CUX1: variants seen among roughly 807,000 people sequenced by gnomAD.
CUX1 encodes protein CASP.
In CUX1, 31 loss-of-function variants were observed where a neutral mutation model predicts 158.8. The ratio of observed to expected loss-of-function variants is 0.20; its 90% CI spans 0.15 to 0.26. The LOEUF (loss-of-function observed/expected upper bound fraction) is 0.26, where lower values mean the gene tolerates loss of function less well. CUX1 is among the 10% of genes least tolerant of loss of function. The probability of loss-of-function intolerance (pLI) is 1.00; values close to 1 mark genes in which losing one functional copy is unlikely to be tolerated. For synonymous variants in CUX1, 879 were observed against 862.1 expected, an observed-to-expected ratio of 1.02 and a Z score of -0.34; for missense variants, 1,589 against 2,014.6, an observed-to-expected ratio of 0.79 and a Z score of 4.04.
intron 1 of CUX1, among the ~76,000 whole-genome samples, chr7:101,873,178 C>CTTTTTTTTTTT: frequency 8.4e-6 from 1 of 119,702 alleles, no homozygotes; most frequent in Non-Finnish European, 1.7e-5. Flanking sequence ...GCCTCAGCTT[C>CTTTTTTTTTTT]TTTTTTTTTT....
chr7:102,210,271 A>G (rs1796388297), intron 20 of CUX1, among the ~76,000 whole-genome samples: 1 of 151,886 alleles, frequency 6.6e-6, no homozygotes, highest in African/African-American at 2.4e-5. Context: ...TAATTTTTGT[A>G]TTTTTAATAG....
chr7:102,032,035 C>T (rs1211051109), intron 3 of CUX1, among the ~76,000 whole-genome samples: 1 of 151,622 alleles, frequency 6.6e-6, no homozygotes, highest in Non-Finnish European at 1.5e-5. Context: ...AAGCGATTTG[C>T]CCACCTCAGC....
At chr7:102,115,516 G>C (rs1831351399) in intron 8 of CUX1, 1 of 407,430 alleles carries the variant, frequency 2.5e-6, no homozygotes, top group African/African-American at 2.1e-5. Flanking sequence ...ATGAAAATTT[G>C]GGAGTTAGTT....
chr7:101,951,899 A>G (rs1254902689), intron 2 of CUX1, among the ~76,000 whole-genome samples: 1 of 152,270 alleles, frequency 6.6e-6, no homozygotes, highest in Non-Finnish European at 1.5e-5. Flanking sequence ...CGGCAGGGCC[A>G]TATGGTCTGT....
intron 1 of CUX1, among the ~76,000 whole-genome samples, chr7:101,825,608 G>A (rs182386989): frequency 6.6e-6 from 1 of 152,330 alleles, no homozygotes; most frequent in East Asian, 1.9e-4. Flanking sequence ...GCATCGATGT[G>A]GGACTGGGAG....
chr7:101,974,991 T>C (rs1448189332), intron 2 of CUX1, among the ~76,000 whole-genome samples: 1 of 152,160 alleles, frequency 6.6e-6, no homozygotes, highest in African/African-American at 2.4e-5. Context: ...CTCATACCTC[T>C]AATCCCAGCA....
chr7:102,213,576 C>T lies in CUX1; in HGVS notation c.3130+8406C>T, dbSNP rs528488685. The stretch of plus-strand genomic sequence containing the variant: ...ACAGGCCCAGTCCAGCTTGTAGACA[C>T]ATCCCGTTCTCTCCCCTTCAGGCTT... On this transcript the variant is annotated intron_variant, in intron 20 of 23. Transcript: ENST00000292535. Among the ~76,000 whole-genome samples the T allele has an allele frequency of 8.5e-5, 13 of 152,360 alleles. No individual in the cohort carries two copies. In the South Asian group the frequency reaches 2.3e-3, roughly 27 times the overall value.
intron 1 of CUX1, among the ~76,000 whole-genome samples, chr7:101,856,720 C>G (rs62463724): frequency 2.0e-3 from 300 of 152,202 alleles, no homozygotes; most frequent in African/African-American, 2.5e-3. Context: ...TTTTTTTCTA[C>G]GCAGAAACCC....
At chr7:102,132,717 T>C (rs1554497720) in intron 8 of CUX1, among the ~76,000 whole-genome samples, 1 of 145,624 alleles carries the variant, frequency 6.9e-6, no homozygotes, top group Non-Finnish European at 1.5e-5. Flanking sequence ...GGTCTCGCTC[T>C]GTCACTTGCA....
intron 1 of CUX1, among the ~76,000 whole-genome samples, chr7:101,839,682 T>C (rs1291254591): frequency 6.6e-6 from 1 of 152,232 alleles, no homozygotes; most frequent in Non-Finnish European, 1.5e-5. Flanking sequence ...CTTTTTTTTT[T>C]TCTAAATGGT....
intron 8 of CUX1, among the ~76,000 whole-genome samples, chr7:102,152,885 G>A (rs1554503970): frequency 6.6e-6 from 1 of 152,198 alleles, no homozygotes; most frequent in Non-Finnish European, 1.5e-5. Flanking sequence ...ATTGTCATTC[G>A]AAAGCCTGGG....
At chr7:102,040,774 G>A (rs1019626322) in intron 3 of CUX1, among the ~76,000 whole-genome samples, 1 of 152,234 alleles carries the variant, frequency 6.6e-6, no homozygotes, top group Non-Finnish European at 1.5e-5. Flanking sequence ...CAGGGAGCCA[G>A]TCCAGGCGCT....
At chr7:102,174,180 C>G (rs566093372) in intron 10 of CUX1, among the ~76,000 whole-genome samples, 1 of 152,160 alleles carries the variant, frequency 6.6e-6, no homozygotes, top group East Asian at 1.9e-4. Context: ...AGTGCAGTGG[C>G]GCAATCTGGG....
intron 21 of CUX1, 40 bp from the exon 22 acceptor site, chr7:102,234,012 C>T (rs1554531699): frequency 2.1e-6 from 3 of 1,413,200 alleles, no homozygotes; most frequent in African/African-American, 3.0e-5. Context: ...ATCCCTGGCT[C>T]TCGGTGACAA....
intron 6 of CUX1, among the ~76,000 whole-genome samples, chr7:102,111,213 A>G (rs113945713): frequency 1.1e-4 from 17 of 152,250 alleles, no homozygotes; most frequent in African/African-American, 2.2e-4. Context: ...AGCATTCACA[A>G]TGTCCCCATT....
intron 2 of CUX1, among the ~76,000 whole-genome samples, chr7:102,011,076 G>T (rs1048045485): frequency 3.3e-5 from 5 of 151,932 alleles, no homozygotes; most frequent in African/African-American, 1.2e-4. Context: ...TCATGCCATT[G>T]CACTCCAGCC....
intron 22 of CUX1, among the ~76,000 whole-genome samples, chr7:102,237,060 A>C (rs1450017222): frequency 1.3e-5 from 2 of 152,104 alleles, no homozygotes; most frequent in Non-Finnish European, 2.9e-5. Flanking sequence ...GTCCCCTAGG[A>C]GGGAACTGGA....
intron 19 of CUX1, among the ~76,000 whole-genome samples, 177 bp downstream of exon 19, chr7:102,204,733 C>G (rs893420308): frequency 2.0e-5 from 3 of 152,254 alleles, no homozygotes; most frequent in African/African-American, 4.8e-5. Context: ...TCCTCCACAA[C>G]CTGTTGCCGT....
intron 3 of CUX1, among the ~76,000 whole-genome samples, chr7:102,050,964 T>A (rs1446791222): frequency 6.6e-6 from 1 of 152,168 alleles, no homozygotes; most frequent in Admixed American, 6.5e-5. Flanking sequence ...CTGGTCTGTC[T>A]ACCACCAGTT....
Sources: allele counts gnomAD v4.1 joint callset (sites outside exome capture counted in the v4.1 genomes callset), GRCh38; gene constraint gnomAD v4.1.1; transcripts MANE v1.5; gene names NCBI Gene and HGNC (gene_info 2026-07-23, HGNC 2026-07-21).